The following ARHGAP23 variants were observed in gnomAD, a reference collection of about 807,000 sequenced individuals.
ARHGAP23 encodes the protein Rho GTPase activating protein 23.
ARHGAP23 carries 34 observed loss-of-function variants against 136.3 expected under a neutral mutation model. The ratio of observed to expected loss-of-function variants is 0.25; its 90% CI spans 0.19 to 0.33. ARHGAP23 has a LOEUF of 0.33. ARHGAP23 is among the 10% of genes least tolerant of loss of function. ARHGAP23 has a pLI of 1.00. For synonymous variants in ARHGAP23, 832 were observed against 920.5 expected (o/e 0.90, Z 1.74); for missense variants, 1,808 against 2,139.0 (o/e 0.85, Z 3.05).
intron 1 of ARHGAP23, among the ~76,000 whole-genome samples, chr17:38,434,053 G>A (rs925247246): frequency 6.6e-6 from 1 of 152,154 alleles, no homozygotes; most frequent in Admixed American, 6.5e-5. Context: ...TCGAACTCCT[G>A]ACCTCAGGTG....
intron 1 of ARHGAP23, among the ~76,000 whole-genome samples, chr17:38,436,726 T>C (rs529949327): frequency 6.6e-6 from 1 of 152,284 alleles, no homozygotes; most frequent in South Asian, 2.1e-4. Flanking sequence ...CATCGATCAG[T>C]CCAGAACACC....
chr17:38,425,292 G>A (rs571742423), upstream of ARHGAP23, among the ~76,000 whole-genome samples: 32 of 151,954 alleles, frequency 2.1e-4, no homozygotes, highest in African/African-American at 7.3e-4. Flanking sequence ...TCCCTGGTTC[G>A]CCCTGAGCAT....
chr17:38,460,692 G>A (rs114717229), intron 2 of ARHGAP23, among the ~76,000 whole-genome samples: 2,729 of 152,324 alleles, frequency 0.018, 93 homozygotes, highest in African/African-American at 0.063. Context: ...CTGATGGTTA[G>A]GGTGTTGAGG....
chr17:38,505,658 G>A (rs4792802), intron 23 of ARHGAP23, among the ~76,000 whole-genome samples: 56,357 of 152,146 alleles, frequency 0.37, 11,602 homozygotes, highest in Admixed American at 0.49. Flanking sequence ...GCCAAGCATG[G>A]TGGCTCATGC....
rs1192694437 is a variant in ARHGAP23 at position 38,511,007 on chromosome 17, C to T, written c.*35C>T. 4.3e-6 allele frequency: 6 copies of T among 1,392,340 alleles called. No individual in the cohort carries two copies. Among genetic ancestry groups the T allele is most frequent in the Admixed American group, 3.8e-5 (1 of 26,546 alleles). The allele number at this position is 1,392,340 out of a possible 1,614,324, so 86.2% of individuals were successfully genotyped here. ...CCCGCGCCGCTCGGGCGCCACCCCT[C>T]CCTAGAGCCCCTTTGGAACCAGGAG... is the stretch of plus-strand genomic sequence containing the variant. On this transcript the variant is annotated 3_prime_UTR_variant, in exon 24 of 24. Coordinates refer to ENST00000622683, the MANE Select transcript of ARHGAP23 (RefSeq NM_001199417.2).
chr17:38,431,462 G>A (rs2038684034), intron 1 of ARHGAP23, among the ~76,000 whole-genome samples: 1 of 152,144 alleles, frequency 6.6e-6, no homozygotes, highest in Non-Finnish European at 1.5e-5. Context: ...CATGAATAGG[G>A]CCTGTGGGAG....
intron 16 of ARHGAP23, among the ~76,000 whole-genome samples, chr17:38,483,831 G>A (rs1332479221): frequency 1.3e-5 from 2 of 152,160 alleles, no homozygotes; most frequent in Admixed American, 6.5e-5. Context: ...GCAGGTGGAC[G>A]GGAAGCCTTT....
intron 21 of ARHGAP23, 37 bp downstream of exon 21, chr17:38,497,863 G>T: frequency 6.5e-7 from 1 of 1,549,138 alleles, no homozygotes; most frequent in Non-Finnish European, 8.7e-7. Flanking sequence ...CATGGGGGCT[G>T]GTCTGGGGTG....
chr17:38,469,269 A>T lies in ARHGAP23; in HGVS notation c.1774A>T (p.Thr592Ser), dbSNP rs532559393. The change falls in exon 8 of 24, where the codon ACC becomes TCC. Residue 592 changes from threonine to serine, a missense_variant. This residue lies in a region of ARHGAP23 where 859 missense variants were observed against 936.4 expected (regional missense o/e 0.92). Coordinates refer to ENST00000622683, the MANE Select transcript of ARHGAP23 (RefSeq NM_001199417.2). ...TSPSSPTFTF[T>S]LGRHYSQDCS... ...CCCATCTTCCCCGACCTTCACTTTCACCCTCGGACGCCATTACTCGCAGGA... is the reference window on the plus strand; with the variant it reads ...CCCATCTTCCCCGACCTTCACTTTCTCCCTCGGACGCCATTACTCGCAGGA... The T allele has an allele frequency of 6.4e-7, 1 of 1,550,474 alleles. No homozygotes were observed. The highest frequency in any genetic ancestry group is 2.0e-5 in the Admixed American group (1 of 50,902).
In ARHGAP23 at chr17:38,477,972, C is replaced by A. The variant is rs72823861; in HGVS notation, c.2436+76C>A. 0.33 allele frequency: 480,262 copies of A among 1,447,714 alleles called. 82,405 individuals are homozygous for A. The highest frequency in any genetic ancestry group is 0.35 in the Non-Finnish European group (371,634 of 1,057,918). The allele number at this position is 1,447,714 out of a possible 1,614,324, so 89.7% of individuals were successfully genotyped here. ...TCACCGGCTGTGGACCTGGGATGCC[C>A]GCTCTGAGCCTCACTTCCCTCTGCT... is the stretch of plus-strand genomic sequence containing the variant. On this transcript the variant is annotated intron_variant, in intron 12 of 23. Coordinates refer to ENST00000622683, the MANE Select transcript of ARHGAP23 (RefSeq NM_001199417.2). The surrounding 1 kb of genome is among the most constrained non-coding windows in gnomAD (Gnocchi z 6.6).
chr17:38,454,677 C>G (rs1253789083), intron 1 of ARHGAP23, among the ~76,000 whole-genome samples: 1 of 152,098 alleles, frequency 6.6e-6, no homozygotes, highest in East Asian at 1.9e-4. Flanking sequence ...GGGGGACTGC[C>G]GTGTTTCTGA....
At chr17:38,458,345 T>A in intron 2 of ARHGAP23, 82 bp downstream of exon 2, 1 of 1,426,594 alleles carries the variant, frequency 7.0e-7, no homozygotes, top group South Asian at 1.5e-5. Context: ...CCCTTCATGG[T>A]CCTTTCACCC....
chr17:38,441,214 C>T (rs893591299), intron 1 of ARHGAP23, among the ~76,000 whole-genome samples: 1 of 152,238 alleles, frequency 6.6e-6, no homozygotes, highest in Non-Finnish European at 1.5e-5. Context: ...AGTGTGCTTC[C>T]CCAGCCCATG....
At chr17:38,453,248 G>A (rs2039223895) in intron 1 of ARHGAP23, among the ~76,000 whole-genome samples, 1 of 151,900 alleles carries the variant, frequency 6.6e-6, no homozygotes, top group African/African-American at 2.4e-5. Flanking sequence ...TGTGTGTGGG[G>A]GGGATAGTGT....
chr17:38,461,584 G>A (rs73302610), intron 3 of ARHGAP23, among the ~76,000 whole-genome samples: 3,671 of 152,320 alleles, frequency 0.024, 144 homozygotes, highest in African/African-American at 0.084. Context: ...GGAGGAGCCC[G>A]CTGACCTAGA....
At chr17:38,434,668 G>C (rs369117090) in intron 1 of ARHGAP23, among the ~76,000 whole-genome samples, 3 of 152,254 alleles carry the variant, frequency 2.0e-5, no homozygotes, top group Non-Finnish European at 4.4e-5. Context: ...AGCCCCAAGT[G>C]GGGGTGCACC....
At chr17:38,485,100 C>T (rs1291646289) in intron 16 of ARHGAP23, among the ~76,000 whole-genome samples, 1 of 152,102 alleles carries the variant, frequency 6.6e-6, no homozygotes, top group Admixed American at 6.6e-5. Context: ...TTCTTGTACT[C>T]GACAACCATT....
chr17:38,466,850 C>T lies in ARHGAP23; in HGVS notation c.1167C>T (p.Thr389=), dbSNP rs1290313277. The T allele has an allele frequency of 6.5e-7, 1 of 1,549,116 alleles. No individual in the cohort carries two copies. Among genetic ancestry groups the T allele is most frequent in the Non-Finnish European group, 8.7e-7 (1 of 1,146,648 alleles). The change falls in exon 7 of 24, where the codon ACC becomes ACT. Residue 389 remains threonine (T), a synonymous_variant. Coordinates refer to ENST00000622683, the MANE Select transcript of ARHGAP23 (RefSeq NM_001199417.2). The stretch of plus-strand genomic sequence containing the variant: ...CTTCCCAGCGTTCGTCTGCCCGCAC[C>T]CCCGCCTGCCCAACTCGGGACCTGC... ...GWASQRSSAR[T]PACPTRDLPG...
intron 1 of ARHGAP23, among the ~76,000 whole-genome samples, chr17:38,433,077 T>C (rs1270647319): frequency 1.3e-5 from 2 of 152,174 alleles, no homozygotes; most frequent in South Asian, 2.1e-4. Flanking sequence ...CTCAGCCTCC[T>C]GAGTAGTTGA....
Sources: gnomAD v4.1 joint callset for allele counts (sites outside exome capture counted in the v4.1 genomes callset) on GRCh38, gnomAD v4.1.1 for gene constraint, gnomAD v4.1.1 regional missense constraint, Gnocchi (gnomAD v3.1) non-coding constraint, MANE v1.5 for transcripts, NCBI Gene and HGNC (gene_info 2026-07-23, HGNC 2026-07-21) for gene names.